Variants in ITGAV observed in about 807,000 individuals in gnomAD.
The protein encoded by ITGAV is integrin subunit alpha V.
In ITGAV, 76 loss-of-function variants were observed where a neutral mutation model predicts 143.8. The ratio of observed to expected loss-of-function variants is 0.53; its 90% CI spans 0.44 to 0.64. ITGAV has a LOEUF of 0.64. Among genes scored for constraint, ITGAV ranks in the 30% least tolerant of loss-of-function variants. The pLI, the probability that ITGAV is intolerant of heterozygous loss-of-function variation, is 0.00. For missense variants in ITGAV, 1,193 were observed against 1,274.7 expected, an observed-to-expected ratio of 0.94 and a Z score of 0.98; for synonymous variants, 453 against 446.7, an observed-to-expected ratio of 1.01 and a Z score of -0.18.
At chr2:186,624,550 G>C (rs1687620665) in intron 3 of ITGAV, among the ~76,000 whole-genome samples, 2 of 152,100 alleles carry the variant, frequency 1.3e-5, no homozygotes, top group Admixed American at 1.3e-4. Context: ...TGTTTTCAGG[G>C]TATATATACA....
intron 24 of ITGAV, among the ~76,000 whole-genome samples, chr2:186,668,214 A>ATTT (rs1688964663): frequency 4.0e-4 from 3 of 7,436 alleles, no homozygotes; most frequent in African/African-American, 1.3e-3. Context: ...ATATATATAT[A>ATTT]TATTTTTTTT....
intron 8 of ITGAV, among the ~76,000 whole-genome samples, chr2:186,638,059 A>G (rs996052704): frequency 6.6e-6 from 1 of 152,100 alleles, no homozygotes; most frequent in East Asian, 1.9e-4. Flanking sequence ...GCTTATTTGC[A>G]TATGTTTGAG....
intron 18 of ITGAV, among the ~76,000 whole-genome samples, chr2:186,659,910 G>T (rs993585252): frequency 1.3e-5 from 2 of 151,374 alleles, no homozygotes; most frequent in African/African-American, 4.8e-5. Context: ...AATAATCATA[G>T]TATATGTGCC....
intron 15 of ITGAV, among the ~76,000 whole-genome samples, chr2:186,653,948 C>CTAATAAATT (rs1197339794): frequency 1.3e-5 from 2 of 152,100 alleles, no homozygotes; most frequent in African/African-American, 4.8e-5. Flanking sequence ...GGTTTCACAA[C>CTAATAAATT]CTGCTAATAA....
intron 17 of ITGAV, among the ~76,000 whole-genome samples, chr2:186,658,599 A>T (rs1347723513): frequency 2.0e-5 from 3 of 152,180 alleles, no homozygotes; most frequent in Non-Finnish European, 4.4e-5. Context: ...TACAAAATTA[A>T]CGTAGGCTAC....
At chr2:186,648,530 T>C (rs1324522225) in intron 13 of ITGAV, among the ~76,000 whole-genome samples, 1 of 152,238 alleles carries the variant, frequency 6.6e-6, no homozygotes, top group African/African-American at 2.4e-5. Flanking sequence ...AGTGGCGTGA[T>C]CTCAGCTCAC....
At chr2:186,663,179 G>T (rs1358161416) in intron 18 of ITGAV, among the ~76,000 whole-genome samples, 2 of 151,954 alleles carry the variant, frequency 1.3e-5, no homozygotes, top group Non-Finnish European at 2.9e-5. Context: ...TAACTATAAT[G>T]CTTCAAGTTC....
intron 6 of ITGAV, among the ~76,000 whole-genome samples, chr2:186,635,557 A>T (rs1687926088): frequency 6.6e-6 from 1 of 152,226 alleles, no homozygotes; most frequent in African/African-American, 2.4e-5. Context: ...TAAACCAGCT[A>T]TCCTTTCTTG....
chr2:186,646,261 T>G (rs926623368), intron 12 of ITGAV, among the ~76,000 whole-genome samples: 2 of 152,178 alleles, frequency 1.3e-5, no homozygotes. Context: ...ATAAATTATC[T>G]AGAATTTTGA....
intron 4 of ITGAV, among the ~76,000 whole-genome samples, chr2:186,629,025 A>G (rs989282904): frequency 2.0e-5 from 3 of 152,108 alleles, no homozygotes; most frequent in African/African-American, 7.2e-5. Flanking sequence ...AAAGACTTAA[A>G]AAGTTAATGT....
intron 4 of ITGAV, among the ~76,000 whole-genome samples, chr2:186,629,224 G>A (rs1201973412): frequency 6.6e-6 from 1 of 152,002 alleles, no homozygotes; most frequent in Non-Finnish European, 1.5e-5. Flanking sequence ...TATTCAACAT[G>A]AAGTCTTTAA....
rs1688008595 is a variant in ITGAV, at chr2:186,638,455, C to G, written c.893C>G (p.Thr298Ser). 4 of 1,610,320 alleles carry G rather than the reference C, an allele frequency of 2.5e-6. No individual in the cohort carries two copies. The highest frequency in any genetic ancestry group is 3.4e-6 in the Non-Finnish European group (4 of 1,177,972). ...AACATGTCCTCCTTATACAATTTTA[C>G]TGGCGAGCAGGTATGCTTCCAAAAT... ...GKNMSSLYNF[T>S]GEQMAAYFGF... Residue 298 changes from threonine (T) to serine (S), a missense_variant, in exon 10 of 30, where the codon ACT becomes AGT. Physicochemically the swap from Thr to Ser is moderately conservative, Grantham distance 58. Coordinates refer to ENST00000261023, the MANE Select transcript of ITGAV (RefSeq NM_002210.5).
chr2:186,635,164 C>G (rs919616602), intron 6 of ITGAV, among the ~76,000 whole-genome samples: 6 of 152,056 alleles, frequency 3.9e-5, no homozygotes, highest in African/African-American at 1.4e-4. Context: ...AGTGAATTGG[C>G]AAATAGTATT....
At chr2:186,603,594 G>A (rs1336529474) in intron 2 of ITGAV, among the ~76,000 whole-genome samples, 2 of 152,134 alleles carry the variant, frequency 1.3e-5, no homozygotes, top group Non-Finnish European at 2.9e-5. Flanking sequence ...CTGTGACTCA[G>A]AATATGATAG....
chr2:186,624,482 C>A (rs2105688687), intron 3 of ITGAV, among the ~76,000 whole-genome samples: 1 of 152,164 alleles, frequency 6.6e-6, no homozygotes, highest in Middle Eastern at 3.4e-3. Flanking sequence ...AGGAGCAAGC[C>A]ACCCACTCTG....
intron 2 of ITGAV, among the ~76,000 whole-genome samples, chr2:186,602,837 A>G (rs979424221): frequency 6.0e-5 from 9 of 149,236 alleles, no homozygotes; most frequent in African/African-American, 2.2e-4. Context: ...AGATTGCGCC[A>G]CTGCACTCTA....
chr2:186,633,162 T>C (rs574067066), intron 5 of ITGAV, among the ~76,000 whole-genome samples, 167 bp from the exon 6 acceptor site: 23 of 151,978 alleles, frequency 1.5e-4, no homozygotes, highest in Non-Finnish European at 2.9e-4. Context: ...AAAAGTCTTA[T>C]TAAATTTTAA....
chr2:186,647,542 G>T (rs1446394907), intron 13 of ITGAV, among the ~76,000 whole-genome samples: 1 of 151,908 alleles, frequency 6.6e-6, no homozygotes, highest in Non-Finnish European at 1.5e-5. Flanking sequence ...GGCCTTCATT[G>T]TGATTTTTTT....
Position 186,640,937 on chromosome 2 carries a change from C to T in ITGAV, c.926C>T (p.Ser309Phe), listed in dbSNP as rs773557891. The T allele has an allele frequency of 6.3e-7, 1 of 1,595,974 alleles. No homozygotes were observed. The highest frequency in any genetic ancestry group is 1.3e-5 in the African/African-American group (1 of 74,692). ...GEQMAAYFGF[S>F]VAATDINGDD... The stretch of plus-strand genomic sequence containing the variant: ...CAGATGGCTGCATATTTCGGATTTT[C>T]TGTAGCTGCCACTGACATTAATGGA... The change falls in exon 11 of 30, where the codon TCT (serine) becomes TTT (phenylalanine). Residue 309 changes from serine (S) to phenylalanine (F), a missense_variant. Physicochemically the swap from Ser to Phe is radical, Grantham distance 155. Transcript: ENST00000261023.
Sources: gnomAD v4.1 joint callset for allele counts (sites outside exome capture counted in the v4.1 genomes callset) on GRCh38, gnomAD v4.1.1 for gene constraint, MANE v1.5 for transcripts, NCBI Gene and HGNC (gene_info 2026-07-23, HGNC 2026-07-21) for gene names.